The following SORCS2 variants were observed in gnomAD, a reference collection of about 807,000 sequenced individuals.
SORCS2 encodes the protein VPS10 domain-containing receptor SorCS2.
Under a neutral mutation model 141.6 loss-of-function variants are expected in SORCS2, and 100 were observed. The observed-to-expected ratio is 0.71, with a 90% CI of 0.60 to 0.83. The LOEUF (loss-of-function observed/expected upper bound fraction) is 0.83. Ranked by LOEUF, SORCS2 falls within the 40% of genes least tolerant of loss-of-function variation. SORCS2 has a pLI of 0.00. For synonymous variants in SORCS2, 789 were observed against 676.9 expected, an observed-to-expected ratio of 1.17 and a Z score of -2.57; for missense variants, 1,646 against 1,560.2, an observed-to-expected ratio of 1.05 and a Z score of -0.93.
At chr4:7,386,201 A>G (rs1156776048) in intron 1 of SORCS2, among the ~76,000 whole-genome samples, 3 of 126,596 alleles carry the variant, frequency 2.4e-5, no homozygotes, top group Non-Finnish European at 5.0e-5. Flanking sequence ...ACACATACAC[A>G]TTTGCACACA....
At chr4:7,439,301 G>A (rs1727505845) in intron 2 of SORCS2, among the ~76,000 whole-genome samples, 1 of 152,056 alleles carries the variant, frequency 6.6e-6, no homozygotes, top group African/African-American at 2.4e-5. Flanking sequence ...TAACTCCCCT[G>A]CCCAACAGTG....
chr4:7,378,171 G>C (rs936274704), intron 1 of SORCS2, among the ~76,000 whole-genome samples: 1 of 152,194 alleles, frequency 6.6e-6, no homozygotes, highest in African/African-American at 2.4e-5. Flanking sequence ...TCATGGCCAT[G>C]AAAATGAAAT....
intron 4 of SORCS2, among the ~76,000 whole-genome samples, chr4:7,643,870 A>C (rs942086404): frequency 3.9e-5 from 6 of 152,176 alleles, no homozygotes; most frequent in Non-Finnish European, 8.8e-5. Context: ...AAGCTTCGAT[A>C]CCACGTTGAT....
intron 1 of SORCS2, among the ~76,000 whole-genome samples, chr4:7,271,733 G>A (rs1715143269): frequency 6.6e-6 from 1 of 152,276 alleles, no homozygotes; most frequent in Non-Finnish European, 1.5e-5. Flanking sequence ...CACAATGATG[G>A]CATGAGTGGG....
At chr4:7,561,737 A>ATGTAT in intron 3 of SORCS2, among the ~76,000 whole-genome samples, 1 of 151,668 alleles carries the variant, frequency 6.6e-6, no homozygotes, top group African/African-American at 2.4e-5. Flanking sequence ...CCATCCATCC[A>ATGTAT]CCTACTCATC....
intron 3 of SORCS2, among the ~76,000 whole-genome samples, chr4:7,539,192 G>A (rs1244754709): frequency 6.6e-6 from 1 of 152,202 alleles, no homozygotes; most frequent in Non-Finnish European, 1.5e-5. Flanking sequence ...CCAAAAGCCT[G>A]TGCTTTGGGC....
intron 2 of SORCS2, among the ~76,000 whole-genome samples, chr4:7,397,047 C>G (rs1289120067): frequency 6.6e-6 from 1 of 152,202 alleles, no homozygotes; most frequent in African/African-American, 2.4e-5. Context: ...CTTCCATGTA[C>G]CGATTACCAC....
intron 24 of SORCS2, 120 bp from the exon 25 acceptor site, chr4:7,734,152 C>T (rs1409995235): frequency 2.5e-5 from 15 of 602,026 alleles, no homozygotes; most frequent in South Asian, 7.7e-5. Context: ...AGGCAGGGGA[C>T]AAGCTGGGGA....
intron 1 of SORCS2, among the ~76,000 whole-genome samples, chr4:7,336,940 T>C (rs1720024844): frequency 6.6e-6 from 1 of 152,112 alleles, no homozygotes; most frequent in Admixed American, 6.5e-5. Context: ...CAAGTTCTCA[T>C]CTGAGAGTGG....
At chr4:7,522,310 C>A (rs1018075204) in intron 2 of SORCS2, among the ~76,000 whole-genome samples, 2 of 152,338 alleles carry the variant, frequency 1.3e-5, no homozygotes, top group African/African-American at 2.4e-5. Context: ...TTCATTAAAT[C>A]ATTTTTAAGA....
chr4:7,640,814 G>A (rs1720684321), intron 4 of SORCS2, among the ~76,000 whole-genome samples: 1 of 152,112 alleles, frequency 6.6e-6, no homozygotes, highest in African/African-American at 2.4e-5. Context: ...TCTGGGTAGA[G>A]CAACTGAGCC....
intron 2 of SORCS2, among the ~76,000 whole-genome samples, chr4:7,504,657 G>T (rs1361828937): frequency 1.3e-5 from 2 of 152,190 alleles, no homozygotes; most frequent in Non-Finnish European, 2.9e-5. Context: ...GCCACATTTA[G>T]GAGGGCTCTG....
intron 11 of SORCS2, among the ~76,000 whole-genome samples, chr4:7,693,369 C>T (rs190484900): frequency 6.6e-6 from 1 of 152,236 alleles, no homozygotes; most frequent in African/African-American, 2.4e-5. Context: ...TCCCACCACC[C>T]CTTTGCCAAG....
At chr4:7,356,112 AG>A (rs1169400791) in intron 1 of SORCS2, among the ~76,000 whole-genome samples, 2 of 152,174 alleles carry the variant, frequency 1.3e-5, no homozygotes, top group Admixed American at 1.3e-4. Flanking sequence ...TCCTCCCTGC[AG>A]GTCTCAATGA....
chr4:7,543,850 G>A (rs147727145), intron 3 of SORCS2, among the ~76,000 whole-genome samples: 552 of 11,290 alleles, frequency 0.049, 36 homozygotes, highest in African/African-American at 0.14. Flanking sequence ...CCACTCATCC[G>A]TCCATCCATC....
intron 3 of SORCS2, among the ~76,000 whole-genome samples, chr4:7,586,152 C>T (rs902144747): frequency 6.6e-6 from 1 of 152,144 alleles, no homozygotes; most frequent in African/African-American, 2.4e-5. Flanking sequence ...TGATTTGGGG[C>T]TTGATATCTG....
chr4:7,550,828 G>A lies in SORCS2; in HGVS notation c.648+19199G>A, dbSNP rs369302059. Among the ~76,000 whole-genome samples, 6 of 152,278 alleles carry A rather than the reference G, an allele frequency of 3.9e-5. No homozygotes were observed. In the East Asian group the frequency reaches 1.2e-3, roughly 29 times the overall value. ...TGCTCATATGTTCATTACCACTTGA[G>A]GTAAAACAAAGTGTCCAAGTCTCTG... On this transcript the variant is annotated intron_variant, in intron 3 of 26. Transcript: ENST00000507866.
intron 5 of SORCS2, among the ~76,000 whole-genome samples, chr4:7,655,923 G>C (rs1171729051): frequency 6.6e-6 from 1 of 152,176 alleles, no homozygotes; most frequent in Non-Finnish European, 1.5e-5. Flanking sequence ...TAATTCAAAC[G>C]TGTTATTATC....
intron 1 of SORCS2, among the ~76,000 whole-genome samples, chr4:7,273,205 A>G (rs1427690831): frequency 6.6e-6 from 1 of 152,246 alleles, no homozygotes; most frequent in East Asian, 1.9e-4. Context: ...ACAAATGCAT[A>G]TCAAGGAAAA....
Sources: gnomAD v4.1 joint callset for allele counts (sites outside exome capture counted in the v4.1 genomes callset) on GRCh38, gnomAD v4.1.1 for gene constraint, MANE v1.5 for transcripts, NCBI Gene and HGNC (gene_info 2026-07-23, HGNC 2026-07-21) for gene names.